The following ZNF148 variants were observed in gnomAD, a reference collection of about 807,000 sequenced individuals.
The protein encoded by ZNF148 is zinc finger protein 148.
Under a neutral mutation model 67.7 loss-of-function variants are expected in ZNF148, and 7 were observed. The ratio of observed to expected loss-of-function variants is 0.10; its 90% confidence interval spans 0.06 to 0.19. The LOEUF is 0.19. ZNF148 is among the 10% of genes least tolerant of loss of function. ZNF148 has a pLI of 1.00. For missense variants in ZNF148, 583 were observed against 947.1 expected (o/e 0.62, Z 5.05); for synonymous variants, 333 against 330.7 (o/e 1.01, Z -0.08).
At chr3:125,235,778 G>A (rs943088818) in intron 7 of ZNF148, among the ~76,000 whole-genome samples, 2 of 151,788 alleles carry the variant, frequency 1.3e-5, no homozygotes, top group East Asian at 3.9e-4. Flanking sequence ...CCATAAAAAA[G>A]GATGAGTTCA....
At chr3:125,245,665 G>A (rs1203502607) in intron 7 of ZNF148, among the ~76,000 whole-genome samples, 2 of 152,040 alleles carry the variant, frequency 1.3e-5, no homozygotes, top group African/African-American at 4.8e-5. Flanking sequence ...TACTGATTCA[G>A]CCTACTAAAT....
intron 7 of ZNF148, among the ~76,000 whole-genome samples, chr3:125,271,293 C>T (rs1937719384): frequency 6.6e-6 from 1 of 152,188 alleles, no homozygotes; most frequent in South Asian, 2.1e-4. Flanking sequence ...TTCCTGCTTT[C>T]CTCAGAATGG....
intron 4 of ZNF148, among the ~76,000 whole-genome samples, chr3:125,293,889 G>A (rs1336699144): frequency 6.6e-6 from 1 of 152,122 alleles, no homozygotes; most frequent in African/African-American, 2.4e-5. Flanking sequence ...TTTTGAGAGA[G>A]AGGATATTTA....
chr3:125,281,063 T>C (rs1488026627), intron 5 of ZNF148, among the ~76,000 whole-genome samples: 1 of 152,226 alleles, frequency 6.6e-6, no homozygotes, highest in Non-Finnish European at 1.5e-5. Context: ...AAGAAGACAG[T>C]TCAGCCTATA....
At chr3:125,353,075 C>T (rs866519206) in intron 1 of ZNF148, among the ~76,000 whole-genome samples, 6 of 152,270 alleles carry the variant, frequency 3.9e-5, no homozygotes, top group South Asian at 2.1e-4. Context: ...GAAAGGAAAA[C>T]TTTTGTTTAC....
intron 7 of ZNF148, among the ~76,000 whole-genome samples, chr3:125,242,441 CA>C (rs1936408283): frequency 6.6e-6 from 1 of 152,052 alleles, no homozygotes. Flanking sequence ...GCCAACATGA[CA>C]AAATTTCCCG....
At chr3:125,284,950 G>C (rs1579704482) in intron 5 of ZNF148, among the ~76,000 whole-genome samples, 1 of 148,500 alleles carries the variant, frequency 6.7e-6, no homozygotes, top group African/African-American at 2.5e-5. Context: ...TGCCATATGA[G>C]AAAAGTTCAG....
intron 3 of ZNF148, among the ~76,000 whole-genome samples, chr3:125,321,138 A>G (rs1354283561): frequency 6.6e-6 from 1 of 152,190 alleles, no homozygotes; most frequent in Non-Finnish European, 1.5e-5. Flanking sequence ...ACCTCTTCAG[A>G]TATACCTCTG....
intron 1 of ZNF148, among the ~76,000 whole-genome samples, chr3:125,337,925 G>T (rs1490611886): frequency 6.6e-6 from 1 of 151,748 alleles, no homozygotes; most frequent in Non-Finnish European, 1.5e-5. Flanking sequence ...AACATAGTGA[G>T]ACCCCAGCTC....
chr3:125,235,037 A>G (rs973668358), intron 7 of ZNF148, among the ~76,000 whole-genome samples: 1 of 152,200 alleles, frequency 6.6e-6, no homozygotes, highest in African/African-American at 2.4e-5. Context: ...TCTAAGCTGT[A>G]AAGAACCACT....
intron 4 of ZNF148, among the ~76,000 whole-genome samples, chr3:125,291,310 G>A (rs925738033): frequency 5.9e-5 from 9 of 152,112 alleles, no homozygotes; most frequent in African/African-American, 2.2e-4. Context: ...TCCTCAGTGA[G>A]GAATTGGCAA....
intron 7 of ZNF148, among the ~76,000 whole-genome samples, chr3:125,243,483 T>G (rs1405277106): frequency 6.6e-6 from 1 of 152,222 alleles, no homozygotes; most frequent in African/African-American, 2.4e-5. Flanking sequence ...GATAATGGGC[T>G]CTACATCTTA....
chr3:125,307,690 G>A (rs1462969351), intron 4 of ZNF148, among the ~76,000 whole-genome samples: 3 of 152,106 alleles, frequency 2.0e-5, no homozygotes, highest in African/African-American at 7.2e-5. Context: ...TGTCACCCAG[G>A]CTGGAGTACA....
Position 125,313,578 on chromosome 3 carries a change from C to T in ZNF148, c.63G>A (p.Gln21=). The change falls in exon 4 of 9, where the codon CAG becomes CAA. Residue 21 remains glutamine (Q), a synonymous_variant. Coordinates refer to ENST00000360647, the MANE Select transcript of ZNF148 (RefSeq NM_021964.3). Reference sequence around the variant, plus strand: ...CCATTACAACCATTGTCCTGGAAGACTGCATTTCGTCTATGCCGCCACATT... The same window carrying T: ...CCATTACAACCATTGTCCTGGAAGATTGCATTTCGTCTATGCCGCCACATT... ...FLKCGGIDEM[Q]SSRTMVVMGG... is the part of the protein sequence containing the mutation. 1 of 1,614,186 alleles carries T rather than the reference C, an allele frequency of 6.2e-7. No individual in the cohort carries two copies. Among genetic ancestry groups the T allele is most frequent in the South Asian group, 1.1e-5 (1 of 91,084 alleles).
chr3:125,281,848 A>G (rs895821153), intron 5 of ZNF148, among the ~76,000 whole-genome samples: 2 of 152,180 alleles, frequency 1.3e-5, no homozygotes, highest in Non-Finnish European at 2.9e-5. Flanking sequence ...TTTAGGCCAG[A>G]GTAATAAAGG....
At chr3:125,361,812 G>A (rs1012577977) in intron 1 of ZNF148, among the ~76,000 whole-genome samples, 7 of 142,878 alleles carry the variant, frequency 4.9e-5, no homozygotes, top group African/African-American at 1.9e-4. Context: ...CAGCCTGGGT[G>A]ACAGAGCGAG....
chr3:125,341,587 C>G (rs1049161719), intron 1 of ZNF148, among the ~76,000 whole-genome samples: 1 of 151,254 alleles, frequency 6.6e-6, no homozygotes, highest in Non-Finnish European at 1.5e-5. Flanking sequence ...CACCACTGCA[C>G]TACTGCCTAG....
chr3:125,293,037 T>C (rs907012643), intron 4 of ZNF148, among the ~76,000 whole-genome samples: 1 of 152,228 alleles, frequency 6.6e-6, no homozygotes, highest in Non-Finnish European at 1.5e-5. Context: ...TTATTTTTTA[T>C]TTACAAATGT....
At chr3:125,308,663 C>T (rs2107664748) in intron 4 of ZNF148, among the ~76,000 whole-genome samples, 2 of 151,866 alleles carry the variant, frequency 1.3e-5, no homozygotes, top group South Asian at 4.2e-4. Flanking sequence ...TCAAGATTTA[C>T]TATAAAAGAT....
Sources: allele counts gnomAD v4.1 joint callset (sites outside exome capture counted in the v4.1 genomes callset), GRCh38; gene constraint gnomAD v4.1.1; transcripts MANE v1.5; gene names NCBI Gene and HGNC (gene_info 2026-07-23, HGNC 2026-07-21).